SEH1L: variants seen among roughly 807,000 people sequenced by gnomAD.
The protein encoded by SEH1L is nucleoporin SEH1.
Under a neutral mutation model 49.5 loss-of-function variants are expected in SEH1L, and 18 were observed. The observed-to-expected ratio is 0.36, with a 90% confidence interval of 0.25 to 0.54. The LOEUF is 0.54. Ranked by LOEUF, SEH1L falls within the 20% of genes least tolerant of loss-of-function variation. The pLI is 0.87. For missense variants in SEH1L, 404 were observed against 528.8 expected (o/e 0.76, Z 2.31); for synonymous variants, 169 against 178.1 (o/e 0.95, Z 0.41).
In SEH1L at chr18:12,948,178, T is replaced by C. The variant is rs1420614985; in HGVS notation, c.57T>C (p.Ser19=). Residue 19 remains serine (S), a synonymous_variant, in exon 1 of 9, where the codon TCT becomes TCC. Coordinates refer to ENST00000399892, the MANE Select transcript of SEH1L (RefSeq NM_001013437.2). Reference sequence around the variant, plus strand: ...ACAAGGATCTCATCCACGATGTCTCTTTCGACTTCCACGGGCGGCGGATGG... The same window carrying C: ...ACAAGGATCTCATCCACGATGTCTCCTTCGACTTCCACGGGCGGCGGATGG... ...ADHKDLIHDV[S]FDFHGRRMAT... The C allele has an allele frequency of 7.4e-6, 12 of 1,612,042 alleles. No homozygotes were observed. The highest frequency in any genetic ancestry group is 1.0e-5 in the Non-Finnish European group (12 of 1,179,396).
chr18:12,983,992 A>T, intron 7 of SEH1L, 48 bp from the exon 8 acceptor site: 2 of 1,492,704 alleles, frequency 1.3e-6, no homozygotes, highest in South Asian at 2.3e-5. Flanking sequence ...TTGTGCCCTT[A>T]GGCATTGGTA....
At chr18:12,986,338 T>C (rs917903179) in intron 8 of SEH1L, 7 of 985,600 alleles carry the variant, frequency 7.1e-6, no homozygotes, top group Non-Finnish European at 7.2e-6. Flanking sequence ...TCTAAGGCTT[T>C]TGCAGAAAAA....
At chr18:12,969,974 T>A (rs1271651460) in intron 4 of SEH1L, among the ~76,000 whole-genome samples, 2 of 152,218 alleles carry the variant, frequency 1.3e-5, no homozygotes, top group Non-Finnish European at 2.9e-5. Context: ...TGGCCAAAAA[T>A]TATTATAAAT....
chr18:12,967,338 A>G (rs1268974710), intron 4 of SEH1L, among the ~76,000 whole-genome samples: 3 of 152,256 alleles, frequency 2.0e-5, no homozygotes, highest in Non-Finnish European at 4.4e-5. Flanking sequence ...TCAGACCTGA[A>G]TAAAGCATTT....
At chr18:12,962,098 C>G (rs2031203710) in intron 3 of SEH1L, among the ~76,000 whole-genome samples, 1 of 152,102 alleles carries the variant, frequency 6.6e-6, no homozygotes, top group Non-Finnish European at 1.5e-5. Context: ...AAAGCCTTCA[C>G]TTAAAAGTGC....
chr18:12,952,205 C>A (rs942466021), intron 2 of SEH1L, among the ~76,000 whole-genome samples: 12 of 144,304 alleles, frequency 8.3e-5, no homozygotes, highest in African/African-American at 2.3e-4. Flanking sequence ...AAAAAAAAAA[C>A]AAAACCTTTA....
chr18:12,959,323 C>T (rs1598949153), intron 3 of SEH1L, among the ~76,000 whole-genome samples: 2 of 152,120 alleles, frequency 1.3e-5, no homozygotes, highest in African/African-American at 4.8e-5. Context: ...TTGGATTTTG[C>T]AATATTTGCA....
At chr18:12,981,192 C>T (rs902973323) in intron 6 of SEH1L, among the ~76,000 whole-genome samples, 49 of 151,334 alleles carry the variant, frequency 3.2e-4, no homozygotes, top group Non-Finnish European at 4.9e-4. Context: ...GGATGGCGGC[C>T]GGGCAGAGAC....
chr18:12,986,104 T>C, intron 8 of SEH1L: 4 of 984,988 alleles, frequency 4.1e-6, no homozygotes, highest in Non-Finnish European at 4.8e-6. Context: ...AAATTGTGCA[T>C]GTAAATTAAT....
chr18:12,967,621 A>G (rs770235667), intron 4 of SEH1L, among the ~76,000 whole-genome samples: 16 of 152,178 alleles, frequency 1.1e-4, no homozygotes, highest in Non-Finnish European at 1.6e-4. Context: ...ATGAATGACC[A>G]TGAAAGCCTG....
chr18:12,978,735 A>C lies in SEH1L; in HGVS notation c.621-17A>C, dbSNP rs976079000. Reference sequence around the variant, plus strand: ...ATTTTATTTCTAAAATGTTAATGTCAATTGTTTTTCCATTAGGAAATATGC... The same window carrying C: ...ATTTTATTTCTAAAATGTTAATGTCCATTGTTTTTCCATTAGGAAATATGC... On this transcript the variant is annotated splice_polypyrimidine_tract_variant and intron_variant, in intron 5 of 8. Transcript: ENST00000399892. 3.8e-6 allele frequency: 6 copies of C among 1,596,704 alleles called. No homozygotes were observed. Among genetic ancestry groups the C allele is most frequent in the Non-Finnish European group, 5.1e-6 (6 of 1,169,406 alleles).
intron 5 of SEH1L, chr18:12,972,985 C>T (rs991575320): frequency 3.3e-5 from 5 of 152,128 alleles, no homozygotes; most frequent in Non-Finnish European, 5.9e-5. Context: ...GTGGGTGGAT[C>T]ACTTGAGTCT....
chr18:12,948,429 C>G (rs2030257333), intron 1 of SEH1L, 197 bp downstream of exon 1: 2 of 463,614 alleles, frequency 4.3e-6, no homozygotes, highest in South Asian at 3.1e-5. Context: ...GCGGGCCGCC[C>G]TCCCGTGCGC....
At chr18:12,951,491 A>G (rs2030522657) in intron 1 of SEH1L, among the ~76,000 whole-genome samples, 1 of 152,060 alleles carries the variant, frequency 6.6e-6, no homozygotes. Context: ...CTGGGGTTCA[A>G]ACGATTGTCT....
intron 1 of SEH1L, among the ~76,000 whole-genome samples, chr18:12,950,782 C>T (rs567767381): frequency 6.6e-6 from 1 of 152,038 alleles, no homozygotes; most frequent in African/African-American, 2.4e-5. Context: ...GAAATTGGCA[C>T]CTTCTTATTG....
intron 2 of SEH1L, among the ~76,000 whole-genome samples, chr18:12,953,432 A>C (rs998514198): frequency 6.6e-6 from 1 of 152,214 alleles, no homozygotes; most frequent in African/African-American, 2.4e-5. Context: ...AACTCTTCCA[A>C]AGTGGCTGTG....
intron 6 of SEH1L, among the ~76,000 whole-genome samples, chr18:12,982,135 C>T (rs8086882): frequency 1.3e-4 from 20 of 151,856 alleles, no homozygotes; most frequent in African/African-American, 4.6e-4. Flanking sequence ...CAAAGTGCTG[C>T]GATTACAGGT....
chr18:12,949,505 T>A (rs2030375338), intron 1 of SEH1L, among the ~76,000 whole-genome samples: 1 of 119,992 alleles, frequency 8.3e-6, no homozygotes, highest in Non-Finnish European at 1.6e-5. Context: ...CAGGCTGGAG[T>A]GGGGTGGCGC....
intron 3 of SEH1L, among the ~76,000 whole-genome samples, chr18:12,958,872 A>G (rs1305168457): frequency 1.3e-5 from 2 of 152,248 alleles, no homozygotes; most frequent in Non-Finnish European, 2.9e-5. Flanking sequence ...ACCTAGGAGT[A>G]GAATTGCTGG....
Sources: gnomAD v4.1 joint callset for allele counts (sites outside exome capture counted in the v4.1 genomes callset) on GRCh38, gnomAD v4.1.1 for gene constraint, MANE v1.5 for transcripts, NCBI Gene and HGNC (gene_info 2026-07-23, HGNC 2026-07-21) for gene names.